Variants in ZBED6 observed in about 807,000 individuals in gnomAD.
ZBED6 encodes the protein zinc finger BED domain-containing protein 6.
Under a neutral mutation model 58.4 loss-of-function variants are expected in ZBED6, and 40 were observed. The ratio of observed to expected loss-of-function variants is 0.68; its 90% CI spans 0.53 to 0.89. The LOEUF is 0.89. Ranked by LOEUF, ZBED6 falls within the 40% of genes least tolerant of loss-of-function variation. The pLI is 0.00. For missense variants in ZBED6, 1,057 were observed against 1,003.9 expected (o/e 1.05, Z -0.71); for synonymous variants, 439 against 350.6 (o/e 1.25, Z -2.82).
At chr1:203,838,211 C>T in intron 10 of ZBED6, 147 bp downstream of exon 10, 1 of 797,000 alleles carries the variant, frequency 1.3e-6, no homozygotes, top group Non-Finnish European at 2.0e-6. Flanking sequence ...AACATTTGAT[C>T]CTTAGTCTGC....
chr1:203,848,329 A>C lies in ZBED6; in HGVS notation c.*4246-2A>C. 1.2e-6 allele frequency: 2 copies of C among 1,611,186 alleles called. No individual in the cohort carries two copies. The highest frequency in any genetic ancestry group is 1.7e-6 in the Non-Finnish European group (2 of 1,178,696). ...CTAATGATGTCTTTAATGTGAATAC[A>C]GGGATGAAAGAAGAGAAGAACCTTC... On this transcript the variant is annotated splice_acceptor_variant, in intron 12 of 16. Coordinates refer to ENST00000550078, the Ensembl canonical transcript of ZBED6. LOFTEE classifies it low-confidence loss of function (3UTR_SPLICE).
At chr1:203,841,222 A>G (rs949092551) in intron 11 of ZBED6, among the ~76,000 whole-genome samples, 2 of 150,506 alleles carry the variant, frequency 1.3e-5, no homozygotes, top group African/African-American at 4.9e-5. Context: ...TGGCAGGGTC[A>G]TAGGACAACA....
intron 8 of ZBED6, among the ~76,000 whole-genome samples, 159 bp downstream of exon 8, chr1:203,831,930 A>G (rs1244966919): frequency 6.6e-6 from 1 of 152,240 alleles, no homozygotes; most frequent in Non-Finnish European, 1.5e-5. Flanking sequence ...TTCAACTCTA[A>G]TATTTAAAAG....
chr1:203,806,175 G>A, intron 1 of ZBED6: 1 of 489,766 alleles, frequency 2.0e-6, no homozygotes, highest in Non-Finnish European at 4.1e-6. Flanking sequence ...TCTTGTCAGT[G>A]GATTCTGCCC....
chr1:203,834,101 T>G (rs1428014206), intron 9 of ZBED6: 1 of 1,166,544 alleles, frequency 8.6e-7, no homozygotes, highest in Non-Finnish European at 1.1e-6. Context: ...ATTTTAAAAA[T>G]GGTAAAGAAC....
At chr1:203,828,463 A>G in intron 4 of ZBED6, 41 bp downstream of exon 4, 1 of 1,565,288 alleles carries the variant, frequency 6.4e-7, no homozygotes, top group Non-Finnish European at 8.7e-7. Context: ...TCAAATGAAC[A>G]CCTATTATGC....
chr1:203,842,235 AG>A (rs1686577600), intron 11 of ZBED6, among the ~76,000 whole-genome samples: 1 of 152,128 alleles, frequency 6.6e-6, no homozygotes, highest in South Asian at 2.1e-4. Context: ...GCACTTTGGG[AG>A]GCAAGGCAGG....
At chr1:203,836,408 C>T (rs546028795) in intron 9 of ZBED6, among the ~76,000 whole-genome samples, 2 of 152,134 alleles carry the variant, frequency 1.3e-5, no homozygotes, top group East Asian at 1.9e-4. Flanking sequence ...TCTAAAAAAC[C>T]GTTTTTAAAA....
intron 9 of ZBED6, among the ~76,000 whole-genome samples, chr1:203,836,864 G>A (rs564002627): frequency 1.3e-5 from 2 of 152,320 alleles, no homozygotes; most frequent in Admixed American, 1.3e-4. Context: ...GAATATTTCA[G>A]AACCTTAGAT....
At chr1:203,833,379 A>C (rs796517608) in intron 8 of ZBED6, among the ~76,000 whole-genome samples, 4 of 145,776 alleles carry the variant, frequency 2.7e-5, no homozygotes, top group Admixed American at 2.7e-4. Context: ...AAAAAAAAAA[A>C]AAAAACACCA....
intron 11 of ZBED6, among the ~76,000 whole-genome samples, chr1:203,843,555 G>A (rs939933657): frequency 6.6e-6 from 1 of 152,104 alleles, no homozygotes; most frequent in East Asian, 1.9e-4. Flanking sequence ...AAATAACTTT[G>A]CAGTCCACAG....
intron 10 of ZBED6, among the ~76,000 whole-genome samples, chr1:203,839,539 CTT>C (rs1234826202): frequency 6.6e-6 from 1 of 152,134 alleles, no homozygotes; most frequent in African/African-American, 2.4e-5. Flanking sequence ...GCCCAAGGGA[CTT>C]TGATGAGTAG....
At chr1:203,849,929 A>G (rs765125483) in exon 14 of ZBED6, 62 of 1,614,016 alleles carry the variant, frequency 3.8e-5, no homozygotes, top group Non-Finnish European at 5.1e-5. Flanking sequence ...GGCTTCCCAC[A>G]AAGTCATCCC....
At chr1:203,798,826 G>T (rs1336405333) in exon 1 of ZBED6, 2 of 1,536,000 alleles carry the variant, frequency 1.3e-6, no homozygotes, top group Non-Finnish European at 1.7e-6. Flanking sequence ...GCCTTTCAGA[G>T]GTTCATGCAG....
chr1:203,840,525 T>C (rs577199784), intron 11 of ZBED6, 151 bp downstream of exon 11: 7 of 672,888 alleles, frequency 1.0e-5, no homozygotes, highest in Non-Finnish European at 1.4e-5. Flanking sequence ...TCAAGTCAGC[T>C]CAGACTCAAC....
intron 3 of ZBED6, among the ~76,000 whole-genome samples, chr1:203,824,011 G>A (rs987884311): frequency 6.6e-6 from 1 of 152,186 alleles, no homozygotes; most frequent in African/African-American, 2.4e-5. Flanking sequence ...GCTCATGCCT[G>A]TAATCTCAGC....
At chr1:203,846,668 T>C (rs1431504828) in intron 11 of ZBED6, among the ~76,000 whole-genome samples, 1 of 152,222 alleles carries the variant, frequency 6.6e-6, no homozygotes, top group Non-Finnish European at 1.5e-5. Flanking sequence ...AGCCATAAGT[T>C]AATGAAGAAT....
chr1:203,821,921 C>G (rs12123505), intron 3 of ZBED6, among the ~76,000 whole-genome samples: 95,201 of 151,858 alleles, frequency 0.63, 30,983 homozygotes, highest in Middle Eastern at 0.73. Flanking sequence ...CCACGCCCGG[C>G]TAATTTTTTG....
At chr1:203,833,685 C>A in intron 8 of ZBED6, 106 bp from the exon 9 acceptor site, 10 of 602,444 alleles carry the variant, frequency 1.7e-5, no homozygotes, top group Admixed American at 4.3e-5. Context: ...AAGAGACTTT[C>A]TGGGTGGATT....
Sources: gnomAD v4.1 joint callset for allele counts (sites outside exome capture counted in the v4.1 genomes callset) on GRCh38, gnomAD v4.1.1 for gene constraint, MANE v1.5 for transcripts, NCBI Gene and HGNC (gene_info 2026-07-23, HGNC 2026-07-21) for gene names.